The following KANK1 variants were observed in gnomAD, a reference collection of about 807,000 sequenced individuals.
KANK1 encodes the protein KN motif and ankyrin repeat domains 1, also known as KN motif and ankyrin repeat domain-containing protein 1.
KANK1 carries 109 observed loss-of-function variants against 106.2 expected under a neutral mutation model. The ratio of observed to expected loss-of-function variants is 1.03; its 90% CI spans 0.88 to 1.20. KANK1 has a LOEUF of 1.20. Ranked by LOEUF, KANK1 falls within the 50% of genes most tolerant of loss-of-function variation. KANK1 has a pLI of 0.00. For synonymous variants in KANK1, 873 were observed against 652.2 expected (o/e 1.34, Z -5.16); for missense variants, 2,399 against 1,710.7 (o/e 1.40, Z -7.10).
intron 2 of KANK1, among the ~76,000 whole-genome samples, chr9:710,136 A>C (rs1825535831): frequency 6.6e-6 from 1 of 152,186 alleles, no homozygotes; most frequent in Admixed American, 6.5e-5. Flanking sequence ...GTACACTAGA[A>C]GCTCAAAGCT....
rs372569087 is a variant in KANK1, at chr9:712,031, G to C, written c.1265G>C (p.Cys422Ser). Residue 422 changes from cysteine to serine, a missense_variant, in exon 3 of 12, where the codon TGT (cysteine) becomes TCT (serine). Transcript: ENST00000382297. ...IVVYHRGSRSCKDAAVGTLVE... is the reference protein window; with the variant it reads ...IVVYHRGSRSSKDAAVGTLVE... ...GTGTACCACAGAGGCTCCAGGTCCT[G>C]TAAGGATGCAGCTGTAGGGACACTT... 2 of 1,614,068 alleles carry C rather than the reference G, an allele frequency of 1.2e-6. No individual in the cohort carries two copies. Among genetic ancestry groups the C allele is most frequent in the Non-Finnish European group, 8.5e-7 (1 of 1,180,040 alleles).
chr9:581,177 A>G (rs2135289729), intron 1 of KANK1, among the ~76,000 whole-genome samples: 2 of 152,280 alleles, frequency 1.3e-5, no homozygotes, highest in East Asian at 3.9e-4. Context: ...CCCCGCAAGC[A>G]GAGGGAGCCG....
At chr9:558,173 C>A (rs1358276435) in intron 1 of KANK1, among the ~76,000 whole-genome samples, 1 of 152,128 alleles carries the variant, frequency 6.6e-6, no homozygotes, top group East Asian at 1.9e-4. Context: ...TAAGGAGGAG[C>A]ATAGCAAAGA....
rs150257422 is a variant in KANK1 at position 683,121 on chromosome 9, G to A, written c.37+6112G>A. ...AGCAGAGGCAGTGTGCGCCCGTGGT[G>A]GTGAGTCTTAGACCTGTCATCTGTG... On this transcript the variant is annotated intron_variant, in intron 2 of 11. Coordinates refer to ENST00000382297, the MANE Select transcript of KANK1 (RefSeq NM_015158.5). Among the ~76,000 whole-genome samples, 117 of 152,270 alleles carry A rather than the reference G, an allele frequency of 7.7e-4. 2 individuals carry two copies. Among genetic ancestry groups the A allele is most frequent in the African/African-American group, 2.6e-3 (107 of 41,536 alleles).
chr9:703,352 C>T (rs1311148650), intron 2 of KANK1, among the ~76,000 whole-genome samples: 1 of 152,102 alleles, frequency 6.6e-6, no homozygotes, highest in East Asian at 1.9e-4. Context: ...GTTTGGTAGT[C>T]ATCTCTCAGC....
chr9:562,042 C>CTTTTTTTTTT (rs34419752), intron 1 of KANK1, among the ~76,000 whole-genome samples: 17 of 104,926 alleles, frequency 1.6e-4, no homozygotes, highest in African/African-American at 4.3e-4. Flanking sequence ...ATTGCATTTT[C>CTTTTTTTTTT]TTTTTTTTTT....
intron 1 of KANK1, among the ~76,000 whole-genome samples, chr9:639,956 A>G (rs1197342200): frequency 6.6e-6 from 1 of 152,128 alleles, no homozygotes; most frequent in African/African-American, 2.4e-5. Flanking sequence ...TGATGATTTA[A>G]TCACCTCCCA....
chr9:723,320 C>T (rs1043610738), intron 3 of KANK1, among the ~76,000 whole-genome samples: 1 of 152,170 alleles, frequency 6.6e-6, no homozygotes, highest in Non-Finnish European at 1.5e-5. Flanking sequence ...ATTATAGCAC[C>T]TGGTATTCCT....
intron 1 of KANK1, among the ~76,000 whole-genome samples, chr9:620,264 C>G (rs1832828728): frequency 6.6e-6 from 1 of 152,166 alleles, no homozygotes; most frequent in Admixed American, 6.5e-5. Context: ...TGTCATTAAT[C>G]ACATCCATTC....
chr9:533,459 C>G (rs1587580092), intron 1 of KANK1, among the ~76,000 whole-genome samples: 1 of 152,170 alleles, frequency 6.6e-6, no homozygotes, highest in Non-Finnish European at 1.5e-5. Flanking sequence ...AAGTGGCAGG[C>G]ACAGTCTAAA....
chr9:686,697 G>T (rs1818661165), intron 2 of KANK1: 2 of 929,490 alleles, frequency 2.2e-6, no homozygotes, highest in African/African-American at 1.8e-5. Context: ...GCAGTGTGAG[G>T]GGAAATGGCA....
At chr9:516,213 A>G (rs952336291) in intron 1 of KANK1, among the ~76,000 whole-genome samples, 1 of 151,628 alleles carries the variant, frequency 6.6e-6, no homozygotes, top group African/African-American at 2.4e-5. Flanking sequence ...TGGAGAATTC[A>G]GGCTTTTGAC....
intron 1 of KANK1, among the ~76,000 whole-genome samples, chr9:663,513 G>C (rs530704516): frequency 6.6e-6 from 1 of 152,276 alleles, no homozygotes; most frequent in East Asian, 1.9e-4. Flanking sequence ...ACATAAAGTT[G>C]GTTAACTGAA....
chr9:646,995 C>T (rs921333215), intron 1 of KANK1, among the ~76,000 whole-genome samples: 2 of 150,952 alleles, frequency 1.3e-5, no homozygotes, highest in African/African-American at 5.0e-5. Flanking sequence ...ACTATGCACA[C>T]CCCTTAAACA....
At chr9:713,895 G>A (rs531871522) in intron 3 of KANK1, among the ~76,000 whole-genome samples, 5 of 152,124 alleles carry the variant, frequency 3.3e-5, no homozygotes, top group Admixed American at 1.3e-4. Context: ...CAGTTAAAAC[G>A]TTTATGAGAG....
At chr9:521,238 T>C (rs1438892592) in intron 1 of KANK1, among the ~76,000 whole-genome samples, 1 of 151,764 alleles carries the variant, frequency 6.6e-6, no homozygotes, top group Middle Eastern at 3.2e-3. Flanking sequence ...GTTGAGATTC[T>C]TTTTGTGGGG....
At chr9:653,568 G>A (rs563944716) in intron 1 of KANK1, among the ~76,000 whole-genome samples, 1 of 152,214 alleles carries the variant, frequency 6.6e-6, no homozygotes, top group South Asian at 2.1e-4. Flanking sequence ...CCTTTCCCTT[G>A]AACGATGCAA....
intron 3 of KANK1, among the ~76,000 whole-genome samples, chr9:485,896 AAGAG>A (rs1026850799): frequency 6.8e-5 from 10 of 146,690 alleles, no homozygotes; most frequent in South Asian, 2.1e-4. Flanking sequence ...AGAAAAGAAA[AAGAG>A]AGAGAGAGAT....
rs931588566 is a variant in KANK1 at position 632,844 on chromosome 9, C to T, written c.-83-44046C>T. The stretch of plus-strand genomic sequence containing the variant: ...AGCTGGGTTTACAGGCATGCGCCAC[C>T]GCACCCGGCTAATTTTTTTTTGTAG... On this transcript the variant is annotated intron_variant, in intron 1 of 11. Transcript: ENST00000382297. Among the ~76,000 whole-genome samples the T allele has an allele frequency of 4.5e-4, 68 of 152,168 alleles. No individual in the cohort carries two copies. In the East Asian group the frequency reaches 4.9e-3, roughly 11 times the overall value.
Sources: gnomAD v4.1 joint callset for allele counts (sites outside exome capture counted in the v4.1 genomes callset) on GRCh38, gnomAD v4.1.1 for gene constraint, MANE v1.5 for transcripts, NCBI Gene and HGNC (gene_info 2026-07-23, HGNC 2026-07-21) for gene names.